The following WNT4 variants were observed in gnomAD, a reference collection of about 807,000 sequenced individuals.
WNT4 encodes Wnt family member 4, also known as protein Wnt-4.
WNT4 carries 16 observed loss-of-function variants against 34.5 expected under a neutral mutation model. That is an observed-to-expected ratio of 0.46 (90% confidence interval 0.31 to 0.70). The LOEUF (loss-of-function observed/expected upper bound fraction) is 0.70, where lower values mean the gene tolerates loss of function less well. Among genes scored for constraint, WNT4 ranks in the 30% least tolerant of loss-of-function variants. The pLI is 0.04. For synonymous variants in WNT4, 200 were observed against 211.9 expected, an observed-to-expected ratio of 0.94 and a Z score of 0.49; for missense variants, 379 against 495.9, an observed-to-expected ratio of 0.76 and a Z score of 2.24.
chr1:22,131,114 G>A (rs1246735400), intron 1 of WNT4, among the ~76,000 whole-genome samples: 3 of 152,264 alleles, frequency 2.0e-5, no homozygotes, highest in Admixed American at 6.5e-5. Context: ...CTTGGGCAGA[G>A]ACAGTATTCT....
At chr1:22,127,285 T>C (rs1645947773) in intron 2 of WNT4, 1 of 524,344 alleles carries the variant, frequency 1.9e-6, no homozygotes, top group Non-Finnish European at 3.9e-6. Flanking sequence ...CCTCAGATGC[T>C]GAGCCGGTGT....
chr1:22,141,612 G>A (rs191378579), intron 1 of WNT4, among the ~76,000 whole-genome samples: 19 of 152,294 alleles, frequency 1.2e-4, no homozygotes, highest in African/African-American at 3.6e-4. Flanking sequence ...CCTTGGAGTC[G>A]TTTGCTCTCG....
At position 22,120,664 on chromosome 1, in the gene WNT4, C is replaced by T. The variant is rs554851123; in HGVS notation, c.589-147G>A. 7.9e-4 allele frequency: 609 copies of T among 766,964 alleles called. 1 individual carries two copies. Among genetic ancestry groups the T allele is most frequent in the Non-Finnish European group, 1.1e-3 (543 of 473,292 alleles). The allele number at this position is 766,964 out of a possible 1,614,324, so 47.5% of individuals were successfully genotyped here. On this transcript the variant is annotated intron_variant, in intron 4 of 4. Coordinates refer to ENST00000290167, the MANE Select transcript of WNT4 (RefSeq NM_030761.5). Reference sequence around the variant, plus strand: ...GTTGTGCCTCCTCTTAGGAATTACGCGGTACTGGGCTGCTAAGCAGTGTTG... The same window carrying T: ...GTTGTGCCTCCTCTTAGGAATTACGTGGTACTGGGCTGCTAAGCAGTGTTG...
intron 1 of WNT4, among the ~76,000 whole-genome samples, chr1:22,136,328 G>A (rs1293200232): frequency 1.3e-5 from 2 of 152,160 alleles, no homozygotes; most frequent in African/African-American, 2.4e-5. Flanking sequence ...TCCGACCTGT[G>A]TCCCCACAAC....
Position 22,119,855 on chromosome 1 carries a change from G to C in WNT4, c.*195C>G. On this transcript the variant is annotated 3_prime_UTR_variant, in exon 5 of 5. Transcript: ENST00000290167. ...GGTCAGTGGCAGCCACAAAGGCCCA[G>C]GCTTTGGGGAGGCCCTGGTTGGTGC... is the stretch of plus-strand genomic sequence containing the variant. 1.5e-6 allele frequency: 1 copy of C among 679,304 alleles called. No individual in the cohort carries two copies. Among genetic ancestry groups the C allele is most frequent in the Non-Finnish European group, 2.5e-6 (1 of 406,880 alleles). 42.1% of individuals were successfully genotyped at this position (679,304 alleles called of 1,614,324 possible).
chr1:22,138,198 C>A (rs1646037069), intron 1 of WNT4, among the ~76,000 whole-genome samples: 1 of 152,190 alleles, frequency 6.6e-6, no homozygotes, highest in African/African-American at 2.4e-5. Context: ...CATGGGAGAG[C>A]AGTTCCAGTC....
At position 22,142,803 on chromosome 1, in the gene WNT4, T is replaced by TGCCCC. The variant is rs748888002; in HGVS notation, c.77+38_77+42dup. The TGCCCC allele has an allele frequency of 8.1e-5, 90 of 1,109,148 alleles. 2 individuals are homozygous for TGCCCC. Among genetic ancestry groups the TGCCCC allele is most frequent in the South Asian group, 5.4e-4 (29 of 53,402 alleles). The allele number at this position is 1,109,148 out of a possible 1,614,324, so 68.7% of individuals were successfully genotyped here. ...GGCACCGGCCGCTGCCCCCGGGGCC[T>TGCCCC]GCCCCGCCCCGCCCCGCCCCGCTCG... On this transcript the variant is annotated intron_variant, in intron 1 of 4. Coordinates refer to ENST00000290167, the MANE Select transcript of WNT4 (RefSeq NM_030761.5). The surrounding 1 kb of genome is among the most constrained non-coding windows in gnomAD (Gnocchi z 6.0).
rs573003930 is a variant in WNT4, at chr1:22,120,564, A to G, written c.589-47T>C. On this transcript the variant is annotated intron_variant, in intron 4 of 4. Coordinates refer to ENST00000290167, the MANE Select transcript of WNT4 (RefSeq NM_030761.5). ...AGGGGCCATCAGGAGATGGCAAGGG[A>G]AGGCAGGGGAGGGCCGCGGAGGCTG... 7 of 1,563,094 alleles carry G rather than the reference A, an allele frequency of 4.5e-6. No homozygotes were observed. The African/African-American group carries it at 9.5e-5, about 21-fold the overall frequency.
chr1:22,129,879 A>T, intron 1 of WNT4, 28 bp from the exon 2 acceptor site: 3 of 1,610,828 alleles, frequency 1.9e-6, no homozygotes, highest in Non-Finnish European at 2.5e-6. Context: ...CGTGATGCAG[A>T]GCCCACCTCC....
intron 1 of WNT4, among the ~76,000 whole-genome samples, chr1:22,130,868 T>G (rs1645977775): frequency 6.6e-6 from 1 of 152,254 alleles, no homozygotes; most frequent in Non-Finnish European, 1.5e-5. Context: ...TTATGGGAAT[T>G]CTTTCTGATG....
At chr1:22,136,482 G>A (rs189134088) in intron 1 of WNT4, among the ~76,000 whole-genome samples, 16 of 152,260 alleles carry the variant, frequency 1.1e-4, no homozygotes, top group Non-Finnish European at 1.6e-4. Flanking sequence ...TGAGGCTCCC[G>A]GTTTCTAGTG....
intron 2 of WNT4, among the ~76,000 whole-genome samples, chr1:22,129,375 C>T (rs147925549): frequency 1.5e-3 from 222 of 152,338 alleles, no homozygotes; most frequent in African/African-American, 5.1e-3. Context: ...AGTGCTGCCT[C>T]AACACAGAGC....
intron 1 of WNT4, among the ~76,000 whole-genome samples, chr1:22,141,462 C>G (rs1450666899): frequency 6.6e-6 from 1 of 152,136 alleles, no homozygotes; most frequent in Non-Finnish European, 1.5e-5. Context: ...GACCCAGGCT[C>G]CATTCAGGGG....
intron 1 of WNT4, among the ~76,000 whole-genome samples, chr1:22,141,105 A>G (rs975639381): frequency 6.6e-6 from 1 of 152,228 alleles, no homozygotes; most frequent in Non-Finnish European, 1.5e-5. Context: ...ACCTGGGTTC[A>G]GTTCTCAGCT....
chr1:22,129,847 G>C lies in WNT4; in HGVS notation c.82C>G (p.Leu28Val). The change falls in exon 2 of 5, where the codon CTG (leucine) becomes GTG (valine). Residue 28 changes from leucine to valine, a missense_variant. Around this residue, in one of 2 missense-constraint regions of WNT4, gnomAD observed 66 missense variants for 50.1 expected, o/e 1.32. Transcript: ENST00000290167. The stretch of plus-strand genomic sequence containing the variant: ...CTCCCCACCGACGACAGCTTGGCCA[G>C]GTACCTGGGGAGAGGGTGACACGTG... The part of the protein sequence containing the change: ...FSAAASNWLY[L>V]AKLSSVGSIS... The C allele has an allele frequency of 1.9e-6, 3 of 1,613,698 alleles. No individual in the cohort carries two copies. Among genetic ancestry groups the C allele is most frequent in the Non-Finnish European group, 2.5e-6 (3 of 1,180,012 alleles).
At chr1:22,122,492 T>A (rs1645907460) in intron 2 of WNT4, among the ~76,000 whole-genome samples, 1 of 151,720 alleles carries the variant, frequency 6.6e-6, no homozygotes, top group African/African-American at 2.4e-5. Flanking sequence ...GCCTCGGGGG[T>A]GTAGCTGTTG....
intron 2 of WNT4, among the ~76,000 whole-genome samples, chr1:22,128,395 C>T (rs1570100673): frequency 6.6e-6 from 1 of 152,206 alleles, no homozygotes; most frequent in Admixed American, 6.5e-5. Flanking sequence ...AAAAGGGGCC[C>T]ATGGTTTAGA....
At position 22,129,606 on chromosome 1, in the gene WNT4, C is replaced by T; in HGVS notation, c.313+10G>A. On this transcript the variant is annotated intron_variant, in intron 2 of 4. Coordinates refer to ENST00000290167, the MANE Select transcript of WNT4 (RefSeq NM_030761.5). ...AGGCTCCCCTGCAGCCCCGCACGCC[C>T]TTCCCTCACCTTGCGTCACCACCTT... 2 of 1,611,984 alleles carry T rather than the reference C, an allele frequency of 1.2e-6. No homozygotes were observed. Among genetic ancestry groups the T allele is most frequent in the Non-Finnish European group, 1.7e-6 (2 of 1,179,444 alleles).
At chr1:22,129,401 T>C (rs1645965003) in intron 2 of WNT4, among the ~76,000 whole-genome samples, 1 of 152,242 alleles carries the variant, frequency 6.6e-6, no homozygotes, top group Non-Finnish European at 1.5e-5. Context: ...CCTCTTCTGA[T>C]GGCCCCCATC....
Sources: gnomAD v4.1 joint callset for allele counts (sites outside exome capture counted in the v4.1 genomes callset) on GRCh38, gnomAD v4.1.1 for gene constraint, gnomAD v4.1.1 regional missense constraint, Gnocchi (gnomAD v3.1) non-coding constraint, MANE v1.5 for transcripts, NCBI Gene and HGNC (gene_info 2026-07-23, HGNC 2026-07-21) for gene names.